The following VPS45 variants were observed in gnomAD, a reference collection of about 807,000 sequenced individuals.
The protein encoded by VPS45 is vacuolar protein sorting 45 homolog.
A neutral mutation model predicts 75.9 loss-of-function variants in VPS45; 35 were observed. The ratio of observed to expected loss-of-function variants is 0.46; its 90% confidence interval spans 0.35 to 0.61. The LOEUF (loss-of-function observed/expected upper bound fraction) is 0.61, where lower values mean the gene tolerates loss of function less well. Ranked by LOEUF, VPS45 falls within the 20% of genes least tolerant of loss-of-function variation. The probability of loss-of-function intolerance (pLI) is 0.00; values close to 1 mark genes in which losing one functional copy is unlikely to be tolerated. For synonymous variants in VPS45, 220 were observed against 238.2 expected, an observed-to-expected ratio of 0.92 and a Z score of 0.70; for missense variants, 559 against 685.9, an observed-to-expected ratio of 0.81 and a Z score of 2.07.
At chr1:150,131,766 A>C (rs1658852811) in intron 14 of VPS45, among the ~76,000 whole-genome samples, 1 of 151,858 alleles carries the variant, frequency 6.6e-6, no homozygotes, top group Admixed American at 6.6e-5. Context: ...AGATCACTTG[A>C]GCCCAGGAGT....
chr1:150,134,665 A>G lies in VPS45; in HGVS notation c.1626-10044A>G, dbSNP rs187863502. Among the ~76,000 whole-genome samples, 71 of 152,320 alleles carry G rather than the reference A, an allele frequency of 4.7e-4. No homozygotes were observed. The East Asian group carries it at 0.01, about 22-fold the overall frequency. Reference sequence around the variant, plus strand: ...TGTTTTTGAGCTTTATAAAAATAGTATCATACTTTTTTCATTAAACTTTGC... The same window carrying G: ...TGTTTTTGAGCTTTATAAAAATAGTGTCATACTTTTTTCATTAAACTTTGC... On this transcript the variant is annotated intron_variant, in intron 14 of 14. Transcript: ENST00000644510.
chr1:150,136,383 G>A (rs781795381), intron 14 of VPS45, among the ~76,000 whole-genome samples: 8 of 151,560 alleles, frequency 5.3e-5, no homozygotes, highest in South Asian at 2.1e-4. Flanking sequence ...GTGAAACCCC[G>A]TCTCTACTAA....
chr1:150,103,058 T>TA (rs1553804891), intron 13 of VPS45, among the ~76,000 whole-genome samples: 1 of 140 alleles, frequency 7.1e-3, no homozygotes, highest in South Asian at 0.25. Context: ...ATATCCTATA[T>TA]ATTTTTTTTT....
rs145345955 is a variant in VPS45 at position 150,082,813 on chromosome 1, G to A, written c.1034G>A (p.Arg345Gln). The A allele has an allele frequency of 3.5e-5, 57 of 1,614,024 alleles. No homozygotes were observed. Among genetic ancestry groups the A allele is most frequent in the Non-Finnish European group, 4.0e-5 (47 of 1,180,044 alleles). ...VGELSRLVSE[R>Q]NLLEVSEVEQ... ...GAACTGTCTCGATTGGTCAGTGAACGGAATCTGCTGGAGGTTTCAGAGGTT... is the reference window on the plus strand; with the variant it reads ...GAACTGTCTCGATTGGTCAGTGAACAGAATCTGCTGGAGGTTTCAGAGGTT... The change falls in exon 10 of 15, where the codon CGG becomes CAG. Residue 345 changes from arginine (R) to glutamine (Q), a missense_variant. Arg to Gln is a conservative substitution (Grantham distance 43). Transcript: ENST00000644510.
intron 10 of VPS45, among the ~76,000 whole-genome samples, chr1:150,088,953 A>C (rs1338444499): frequency 6.6e-6 from 1 of 152,168 alleles, no homozygotes; most frequent in Non-Finnish European, 1.5e-5. Context: ...ATCATATAGT[A>C]GTTCTATTTT....
chr1:150,093,473 C>A, intron 12 of VPS45, 54 bp from the exon 13 acceptor site: 2 of 1,592,188 alleles, frequency 1.3e-6, no homozygotes, highest in Non-Finnish European at 1.7e-6. Context: ...ATTATTAATT[C>A]TTGTGTTGCC....
In VPS45 at chr1:150,082,597, T is replaced by A. The variant is rs1305397171; in HGVS notation, c.937-119T>A. The A allele has an allele frequency of 4.0e-6, 5 of 1,252,792 alleles. No individual in the cohort carries two copies. The Admixed American group carries it at 1.1e-4, about 29-fold the overall frequency. 77.6% of individuals were successfully genotyped at this position (1,252,792 alleles called of 1,614,324 possible). A position where few individuals can be genotyped will look rare whatever the true frequency, so the allele number is the denominator to read the frequency against. On this transcript the variant is annotated intron_variant, in intron 9 of 14. Transcript: ENST00000644510. ...AACAAAATGCCATGTGGCTGAAAGT[T>A]GTAGATGCTTTAATCTGGGCTGAAA...
At chr1:150,115,639 ATTC>A (rs2101619072) in intron 14 of VPS45, among the ~76,000 whole-genome samples, 1 of 152,224 alleles carries the variant, frequency 6.6e-6, no homozygotes, top group Non-Finnish European at 1.5e-5. Context: ...TCTCTTGCAT[ATTC>A]TTCTTTCATT....
chr1:150,082,046 A>G (rs984893784), intron 9 of VPS45, 49 bp downstream of exon 9: 6 of 1,216,852 alleles, frequency 4.9e-6, no homozygotes, highest in Non-Finnish European at 7.1e-6. Flanking sequence ...GTTTGGTACT[A>G]TTCATGTAAG....
Position 150,110,588 on chromosome 1 carries a change from G to C in VPS45, c.1586G>C (p.Arg529Thr). The C allele has an allele frequency of 6.2e-7, 1 of 1,613,626 alleles. No individual in the cohort carries two copies. The highest frequency in any genetic ancestry group is 8.5e-7 in the Non-Finnish European group (1 of 1,179,704). Reference protein sequence around the residue: ...YNLNRTTPGVRIVLGGTTVHN... With the variant: ...YNLNRTTPGVTIVLGGTTVHN... The stretch of plus-strand genomic sequence containing the variant: ...CTGAACCGCACCACTCCTGGAGTGA[G>C]GATTGTCCTGGGAGGCACCACAGTG... The change falls in exon 14 of 15, where the codon AGG becomes ACG. Residue 529 changes from arginine (R) to threonine (T), a missense_variant. Coordinates refer to ENST00000644510, the MANE Select transcript of VPS45 (RefSeq NM_007259.5).
In VPS45 at chr1:150,131,694, T is replaced by C. The variant is rs587693458; in HGVS notation, c.1626-13015T>C. On this transcript the variant is annotated intron_variant, in intron 14 of 14. Coordinates refer to ENST00000644510, the MANE Select transcript of VPS45 (RefSeq NM_007259.5). ...TTGTCTCTAAAAAAAAAAAAAAGTA[T>C]TTTTAGCCATGCATGATGGCATGCA... 6.1e-3 allele frequency among the ~76,000 whole-genome samples: 363 copies of C among 59,438 alleles called. 5 individuals are homozygous for C. Among genetic ancestry groups the C allele is most frequent in the African/African-American group, 0.023 (352 of 15,180 alleles). 39.0% of individuals were successfully genotyped at this position (59,438 alleles called of 152,430 possible). A position where few individuals can be genotyped will look rare whatever the true frequency, so the allele number is the denominator to read the frequency against.
intron 14 of VPS45, among the ~76,000 whole-genome samples, chr1:150,130,576 CTG>C (rs1658781112): frequency 6.6e-6 from 1 of 152,144 alleles, no homozygotes; most frequent in Non-Finnish European, 1.5e-5. Flanking sequence ...TTTTTAATAA[CTG>C]AATTATATTC....
intron 14 of VPS45, chr1:150,142,719 G>A (rs1327724948): frequency 8.8e-6 from 3 of 339,768 alleles, no homozygotes; most frequent in Non-Finnish European, 1.8e-5. Flanking sequence ...AGGTTGGAGT[G>A]CAATGGCACA....
chr1:150,139,886 TTTGTTGTTG>T (rs752651196), intron 14 of VPS45, among the ~76,000 whole-genome samples: 8 of 150,664 alleles, frequency 5.3e-5, no homozygotes, highest in South Asian at 2.1e-4. Context: ...TTATTTTATT[TTTGTTGTTG>T]TTGTTGTTGT....
At chr1:150,124,966 A>G (rs1235738350) in intron 14 of VPS45, among the ~76,000 whole-genome samples, 1 of 151,804 alleles carries the variant, frequency 6.6e-6, no homozygotes, top group Non-Finnish European at 1.5e-5. Context: ...ACATTTTCCC[A>G]TGTTACTAAA....
chr1:150,126,186 T>C (rs75584619), intron 14 of VPS45, among the ~76,000 whole-genome samples: 3,266 of 152,088 alleles, frequency 0.021, 97 homozygotes, highest in African/African-American at 0.074. Flanking sequence ...GGGATTAATT[T>C]CATGGCTTTT....
intron 14 of VPS45, among the ~76,000 whole-genome samples, chr1:150,137,224 ACCTATTC>A (rs1275070028): frequency 6.6e-6 from 1 of 152,170 alleles, no homozygotes; most frequent in Non-Finnish European, 1.5e-5. Context: ...TTGAATGCCA[ACCTATTC>A]CCTTGCTCCT....
At chr1:150,118,061 T>G (rs1408593676) in intron 14 of VPS45, among the ~76,000 whole-genome samples, 1 of 151,826 alleles carries the variant, frequency 6.6e-6, no homozygotes, top group African/African-American at 2.4e-5. Context: ...GGCAGGCATA[T>G]CACTTGAGGC....
chr1:150,078,621 G>C lies in VPS45; in HGVS notation c.687+842G>C, dbSNP rs190369306. ...CTAAAACTACAAAAAAATTAGCCGG[G>C]TGTGGTTGCACACACCTGTAGTCCC... On this transcript the variant is annotated intron_variant, in intron 7 of 14. Transcript: ENST00000644510. Among the ~76,000 whole-genome samples, 6 of 151,900 alleles carry C rather than the reference G, an allele frequency of 3.9e-5. No homozygotes were observed. The South Asian group carries it at 1.0e-3, about 26-fold the overall frequency.
Sources: gnomAD v4.1 joint callset for allele counts (sites outside exome capture counted in the v4.1 genomes callset) on GRCh38, gnomAD v4.1.1 for gene constraint, MANE v1.5 for transcripts, NCBI Gene and HGNC (gene_info 2026-07-23, HGNC 2026-07-21) for gene names.